The following SPATS2L variants were observed in gnomAD, a reference collection of about 807,000 sequenced individuals.
SPATS2L encodes SPATS2-like protein.
Under a neutral mutation model 59.6 loss-of-function variants are expected in SPATS2L, and 30 were observed. The ratio of observed to expected loss-of-function variants is 0.50; its 90% CI spans 0.38 to 0.68. The LOEUF (loss-of-function observed/expected upper bound fraction) is 0.68, where lower values mean the gene tolerates loss of function less well. SPATS2L is among the 30% of genes least tolerant of loss of function. The pLI, the probability that SPATS2L is intolerant of heterozygous loss-of-function variation, is 0.00. For missense variants in SPATS2L, 615 were observed against 700.0 expected, an observed-to-expected ratio of 0.88 and a Z score of 1.37; for synonymous variants, 252 against 263.5, an observed-to-expected ratio of 0.96 and a Z score of 0.42.
intron 1 of SPATS2L, among the ~76,000 whole-genome samples, chr2:200,313,400 A>G (rs1028767691): frequency 2.0e-5 from 3 of 152,184 alleles, no homozygotes; most frequent in Non-Finnish European, 2.9e-5. Flanking sequence ...CTATTATTAC[A>G]TTTATATTTC....
intron 8 of SPATS2L, 59 bp downstream of exon 8, chr2:200,440,843 A>G: frequency 3.2e-6 from 5 of 1,560,758 alleles, no homozygotes; most frequent in African/African-American, 1.4e-5. Context: ...CCAACAGGTA[A>G]AAGTATCAGA....
intron 6 of SPATS2L, among the ~76,000 whole-genome samples, chr2:200,427,931 G>T (rs1241859399): frequency 6.6e-6 from 1 of 152,144 alleles, no homozygotes; most frequent in African/African-American, 2.4e-5. Context: ...AATTAGCTGA[G>T]CAGGGTAGCA....
intron 1 of SPATS2L, among the ~76,000 whole-genome samples, chr2:200,327,507 G>T (rs2079793029): frequency 6.6e-6 from 1 of 152,152 alleles, no homozygotes; most frequent in Non-Finnish European, 1.5e-5. Context: ...TTCTTTCCAT[G>T]TCAAAGATTG....
At chr2:200,342,525 T>C (rs2080366086) in intron 2 of SPATS2L, among the ~76,000 whole-genome samples, 1 of 152,260 alleles carries the variant, frequency 6.6e-6, no homozygotes, top group Non-Finnish European at 1.5e-5. Flanking sequence ...GTGGGTCTAG[T>C]ACCTTCATTT....
chr2:200,312,893 G>C (rs1188348022), intron 1 of SPATS2L, among the ~76,000 whole-genome samples: 1 of 152,210 alleles, frequency 6.6e-6, no homozygotes, highest in African/African-American at 2.4e-5. Flanking sequence ...AGTTCCTAGA[G>C]ATTCAGAACA....
chr2:200,449,557 C>A (rs866674032), intron 8 of SPATS2L, among the ~76,000 whole-genome samples: 19 of 152,190 alleles, frequency 1.2e-4, no homozygotes, highest in African/African-American at 4.6e-4. Flanking sequence ...ACCAATCAAC[C>A]AGCCCGGGAA....
At chr2:200,414,115 C>G (rs1474304487) in intron 4 of SPATS2L, among the ~76,000 whole-genome samples, 1 of 151,900 alleles carries the variant, frequency 6.6e-6, no homozygotes, top group Non-Finnish European at 1.5e-5. Context: ...ATTGAGGCCC[C>G]CCACGTTCCT....
chr2:200,474,015 T>A (rs2087295409), intron 12 of SPATS2L, among the ~76,000 whole-genome samples: 2 of 151,108 alleles, frequency 1.3e-5, no homozygotes, highest in South Asian at 4.2e-4. Flanking sequence ...AAAATAAAAA[T>A]AAAAATAAAG....
intron 4 of SPATS2L, among the ~76,000 whole-genome samples, chr2:200,413,462 CA>C (rs1324624443): frequency 6.6e-6 from 1 of 152,154 alleles, no homozygotes; most frequent in Non-Finnish European, 1.5e-5. Context: ...CTCTTCTAAT[CA>C]AATTAAACAA....
At chr2:200,319,928 T>C (rs1279628058) in intron 1 of SPATS2L, among the ~76,000 whole-genome samples, 1 of 152,242 alleles carries the variant, frequency 6.6e-6, no homozygotes, top group Non-Finnish European at 1.5e-5. Context: ...TCAAGACAGC[T>C]TTGAATTCTA....
intron 3 of SPATS2L, among the ~76,000 whole-genome samples, chr2:200,394,432 C>T (rs2082268125): frequency 6.6e-6 from 1 of 152,220 alleles, no homozygotes; most frequent in African/African-American, 2.4e-5. Context: ...CTGCATTCTC[C>T]ACTGCAGCTG....
rs1284640839 is a variant in SPATS2L, at chr2:200,473,028, C to T, written c.1257C>T (p.His419=). ...SSLPSTADPS[H]QTMPANKQNG... The stretch of plus-strand genomic sequence containing the variant: ...TCCCCAGCACCGCCGACCCCTCTCA[C>T]CAGACCATGCCGGCCAACAAGCAGG... Residue 419 remains histidine (H), a synonymous_variant, in exon 12 of 13, where the codon CAC becomes CAT. Transcript: ENST00000409140. 1.9e-6 allele frequency: 3 copies of T among 1,613,494 alleles called. No individual in the cohort carries two copies. Among genetic ancestry groups the T allele is most frequent in the South Asian group, 1.1e-5 (1 of 91,026 alleles).
intron 3 of SPATS2L, among the ~76,000 whole-genome samples, chr2:200,394,194 A>C (rs536003004): frequency 6.6e-6 from 1 of 152,338 alleles, no homozygotes; most frequent in Non-Finnish European, 1.5e-5. Flanking sequence ...CATAACATAC[A>C]TCCCCTGCAT....
chr2:200,451,766 A>G (rs1001473637), intron 8 of SPATS2L, among the ~76,000 whole-genome samples: 1 of 151,212 alleles, frequency 6.6e-6, no homozygotes, highest in African/African-American at 2.4e-5. Context: ...CCTGTTATTT[A>G]TGTTCAGCAA....
intron 2 of SPATS2L, among the ~76,000 whole-genome samples, chr2:200,360,967 C>CTGTGTGTGTG (rs145080452): frequency 0.014 from 2,032 of 140,396 alleles, 20 homozygotes; most frequent in Non-Finnish European, 0.02. Context: ...CAGAACAGGG[C>CTGTGTGTGTG]TGTGTGTGTG....
chr2:200,421,803 C>T (rs1038842932), intron 6 of SPATS2L, among the ~76,000 whole-genome samples: 7 of 152,162 alleles, frequency 4.6e-5, no homozygotes, highest in South Asian at 2.1e-4. Context: ...ATTAAATAAT[C>T]GAGTGGCAGA....
chr2:200,473,084 A>AG lies in SPATS2L; in HGVS notation c.1281+32_1281+33insG, dbSNP rs2087193657. On this transcript the variant is annotated intron_variant, in intron 12 of 12. Coordinates refer to ENST00000409140, the MANE Select transcript of SPATS2L (RefSeq NM_001100423.2). Reference sequence around the variant, plus strand: ...CGACACTGGTGCAGGGTGCCAGAGGAAAAAAAAAAAAAAACCTGTTTCCAG... The same window carrying AG: ...CGACACTGGTGCAGGGTGCCAGAGGAGAAAAAAAAAAAAAACCTGTTTCCAG... 9.8e-6 allele frequency: 5 copies of AG among 511,626 alleles called. No individual in the cohort carries two copies. In the African/African-American group the frequency reaches 1.5e-4, roughly 15 times the overall value. The allele number at this position is 511,626 out of a possible 1,614,324, so 31.7% of individuals were successfully genotyped here.
rs1041156923 is a variant in SPATS2L at position 200,455,364 on chromosome 2, A to C, written c.789-4405A>C. ...GATTAGATGAAGAGAAGCAAGGTTA[A>C]GCAGAAGAGTTGTCTTCAAGGTAGA... On this transcript the variant is annotated intron_variant, in intron 8 of 12. Coordinates refer to ENST00000409140, the MANE Select transcript of SPATS2L (RefSeq NM_001100423.2). Among the ~76,000 whole-genome samples, 7 of 152,202 alleles carry C rather than the reference A, an allele frequency of 4.6e-5. 1 individual carries two copies. Among genetic ancestry groups the C allele is most frequent in the African/African-American group, 1.7e-4 (7 of 41,442 alleles).
In SPATS2L at chr2:200,312,257, C is replaced by A. The variant is rs117479716; in HGVS notation, c.-73+5335C>A. On this transcript the variant is annotated intron_variant, in intron 1 of 12. Transcript: ENST00000409140. ...AAATGCCACTGAAGGTTGACACTTT[C>A]ACAGTAATGTAAATAATGAGAGGTG... Among the ~76,000 whole-genome samples, 79 of 152,334 alleles carry A rather than the reference C, an allele frequency of 5.2e-4. 1 individual carries two copies. The East Asian group carries it at 0.014, about 28-fold the overall frequency.
Sources: gnomAD v4.1 joint callset for allele counts (sites outside exome capture counted in the v4.1 genomes callset) on GRCh38, gnomAD v4.1.1 for gene constraint, MANE v1.5 for transcripts, NCBI Gene and HGNC (gene_info 2026-07-23, HGNC 2026-07-21) for gene names.